Variants in NOC3L observed in about 807,000 individuals in gnomAD.
The protein encoded by NOC3L is nucleolar complex protein 3 homolog.
Under a neutral mutation model 102.5 loss-of-function variants are expected in NOC3L, and 85 were observed. That is an observed-to-expected ratio of 0.83 (90% CI 0.70 to 0.99). NOC3L has a LOEUF of 0.99. Among genes scored for constraint, NOC3L ranks in the 50% least tolerant of loss-of-function variants. The pLI is 0.00. For missense variants in NOC3L, 878 were observed against 914.9 expected, an observed-to-expected ratio of 0.96 and a Z score of 0.52; for synonymous variants, 303 against 309.4, an observed-to-expected ratio of 0.98 and a Z score of 0.22.
At chr10:94,330,708 A>G (rs1193415538), downstream of NOC3L, 2 of 151,950 alleles carry the variant, frequency 1.3e-5, no homozygotes, top group Non-Finnish European at 2.9e-5. Context: ...AAAAAAAAAA[A>G]GTAAAGAGTC....
At chr10:94,359,918 A>C (rs1188021519) in intron 2 of NOC3L, among the ~76,000 whole-genome samples, 1 of 152,190 alleles carries the variant, frequency 6.6e-6, no homozygotes, top group Admixed American at 6.5e-5. Context: ...AAAAAAAAGA[A>C]ATCAGTATAC....
At position 94,355,065 on chromosome 10, in the gene NOC3L, C is replaced by T; in HGVS notation, c.594G>A (p.Leu198=). The change falls in exon 6 of 21, where the codon CTG becomes CTA. Residue 198 remains leucine, a synonymous_variant. Transcript: ENST00000371361. The part of the protein sequence containing the change: ...EEIIEDPIQE[L]TIEEHLIERK... ...TCTCAATCAAATGTTCTTCTATGGT[C>T]AGCTCTTGAATAGGATCTTCAATGA... is the stretch of plus-strand genomic sequence containing the variant. 6.2e-7 allele frequency: 1 copy of T among 1,612,404 alleles called. No homozygotes were observed. Among genetic ancestry groups the T allele is most frequent in the South Asian group, 1.1e-5 (1 of 91,014 alleles).
At position 94,340,273 on chromosome 10, in the gene NOC3L, T is replaced by C. The variant is rs748072157; in HGVS notation, c.1780+3A>G. ...AAAAGAAACATTATCTAAACATACA[T>C]ACCTGCATGTAATTTGAACAGTGTT... On this transcript the variant is annotated splice_donor_region_variant and intron_variant, in intron 16 of 20. Transcript: ENST00000371361. 2 of 1,594,650 alleles carry C rather than the reference T, an allele frequency of 1.3e-6. No individual in the cohort carries two copies. The highest frequency in any genetic ancestry group is 2.0e-4 in the Middle Eastern group (1 of 4,936).
intron 11 of NOC3L, 30 bp from the exon 12 acceptor site, chr10:94,344,963 A>C (rs1420347551): frequency 1.3e-6 from 2 of 1,515,656 alleles, no homozygotes; most frequent in East Asian, 2.3e-5. Flanking sequence ...CAAAAATCTA[A>C]GAGCATATAC....
At chr10:94,333,104 C>T (rs1164497105), downstream of NOC3L, 1 of 152,118 alleles carries the variant, frequency 6.6e-6, no homozygotes, top group Non-Finnish European at 1.5e-5. Flanking sequence ...TCGTTTACTT[C>T]ATGTGAAAAA....
intron 17 of NOC3L, 41 bp from the exon 18 acceptor site, chr10:94,338,777 T>G: frequency 6.4e-7 from 1 of 1,568,210 alleles, no homozygotes; most frequent in Non-Finnish European, 8.8e-7. Flanking sequence ...TAAATTAACA[T>G]TGTTAATATA....
rs760199308 is a variant in NOC3L, at chr10:94,344,833, C to G, written c.1470+20G>C. The G allele has an allele frequency of 6.5e-7, 1 of 1,548,780 alleles. No homozygotes were observed. Among genetic ancestry groups the G allele is most frequent in the Non-Finnish European group, 8.8e-7 (1 of 1,140,532 alleles). ...AACTTAACGCATTTTAAAAGCATAA[C>G]AGAATATGAAACTGCCTACCAGTTT... On this transcript the variant is annotated intron_variant, in intron 12 of 20. Transcript: ENST00000371361.
the NOC3L span, among the ~76,000 whole-genome samples, chr10:94,316,341 T>C: frequency 1.3e-5 from 2 of 152,236 alleles, no homozygotes; most frequent in African/African-American, 4.8e-5. Flanking sequence ...CTGGGGATTA[T>C]GAATAAGTTG....
intron 11 of NOC3L, 56 bp from the exon 12 acceptor site, chr10:94,344,989 G>A: frequency 1.6e-6 from 2 of 1,245,110 alleles, no homozygotes; most frequent in South Asian, 2.7e-5. Context: ...AGTGAAAAAA[G>A]CAGAGGCAGA....
intron 19 of NOC3L, 57 bp downstream of exon 19, chr10:94,337,720 G>A (rs2054237498): frequency 1.7e-6 from 2 of 1,146,106 alleles, no homozygotes; most frequent in Admixed American, 1.8e-5. Flanking sequence ...TCTTCTCATA[G>A]TAAGTGGCTA....
intron 13 of NOC3L, among the ~76,000 whole-genome samples, chr10:94,343,668 C>A (rs1339940136): frequency 6.6e-6 from 1 of 152,100 alleles, no homozygotes; most frequent in Non-Finnish European, 1.5e-5. Context: ...TAAAATGTAG[C>A]TAGTCCAAAT....
At position 94,361,884 on chromosome 10, in the gene NOC3L, CAG is replaced by C. The variant is rs772713207; in HGVS notation, c.10-14_10-13del. The C allele has an allele frequency of 3.6e-5, 56 of 1,575,564 alleles. No individual in the cohort carries two copies. The South Asian group carries it at 6.1e-4, about 17-fold the overall frequency. On this transcript the variant is annotated splice_polypyrimidine_tract_variant and intron_variant, in intron 1 of 20. Coordinates refer to ENST00000371361, the MANE Select transcript of NOC3L (RefSeq NM_022451.11). ...TTTTTATTTCTTCTCTAGAAAATAA[CAG>C]AAAGAATACTGCATACCCAGAAACT...
chr10:94,346,969 G>T (rs1410617923), intron 10 of NOC3L, among the ~76,000 whole-genome samples: 1 of 152,122 alleles, frequency 6.6e-6, no homozygotes, highest in Non-Finnish European at 1.5e-5. Flanking sequence ...CCCAGAATTT[G>T]CATTCTAATT....
chr10:94,356,413 T>C (rs1035074556), intron 5 of NOC3L, 122 bp downstream of exon 5: 1 of 659,874 alleles, frequency 1.5e-6, no homozygotes, highest in Non-Finnish European at 2.7e-6. Flanking sequence ...ATGTTCAAAG[T>C]GACCTTGAAA....
At chr10:94,353,161 G>T in intron 6 of NOC3L, 104 bp from the exon 7 acceptor site, 1 of 895,104 alleles carries the variant, frequency 1.1e-6, no homozygotes, top group Non-Finnish European at 1.7e-6. Flanking sequence ...TTCACACAAT[G>T]ACTCCAAGTC....
Position 94,346,408 on chromosome 10 carries a change from G to A in NOC3L, c.1389+17C>T, listed in dbSNP as rs761434155. On this transcript the variant is annotated intron_variant, in intron 11 of 20. Coordinates refer to ENST00000371361, the MANE Select transcript of NOC3L (RefSeq NM_022451.11). The stretch of plus-strand genomic sequence containing the variant: ...AACAGAAAATTTAAATGAAACAAAA[G>A]GGGAAATAAGTCAAACCTTTCTCTG... 21 of 1,454,320 alleles carry A rather than the reference G, an allele frequency of 1.4e-5. No homozygotes were observed. The highest frequency in any genetic ancestry group is 8.0e-5 in the Admixed American group (3 of 37,358). 90.1% of individuals were successfully genotyped at this position (1,454,320 alleles called of 1,614,324 possible).
At chr10:94,326,706 G>GTGAT in the NOC3L span, among the ~76,000 whole-genome samples, 3 of 152,192 alleles carry the variant, frequency 2.0e-5, no homozygotes, top group African/African-American at 2.4e-5. Flanking sequence ...CTGGGGGAGG[G>GTGAT]TGATTGATAG....
chr10:94,353,073 C>T lies in NOC3L; in HGVS notation c.697-16G>A, dbSNP rs1296833429. On this transcript the variant is annotated splice_polypyrimidine_tract_variant and intron_variant, in intron 6 of 20. Coordinates refer to ENST00000371361, the MANE Select transcript of NOC3L (RefSeq NM_022451.11). ...ATTTTTTAATCTGTTAAAGAAATAG[C>T]TTATAAAGCTGGAGAAATCATGACG... is the stretch of plus-strand genomic sequence containing the variant. 1 of 1,579,184 alleles carries T rather than the reference C, an allele frequency of 6.3e-7. No individual in the cohort carries two copies. Among genetic ancestry groups the T allele is most frequent in the Non-Finnish European group, 8.6e-7 (1 of 1,163,268 alleles).
At chr10:94,348,711 G>A (rs1264655068) in intron 10 of NOC3L, among the ~76,000 whole-genome samples, 1 of 152,130 alleles carries the variant, frequency 6.6e-6, no homozygotes, top group Non-Finnish European at 1.5e-5. Flanking sequence ...CAGGAACACA[G>A]TGATTAAATG....
Sources: gnomAD v4.1 joint callset for allele counts (sites outside exome capture counted in the v4.1 genomes callset) on GRCh38, gnomAD v4.1.1 for gene constraint, MANE v1.5 for transcripts, NCBI Gene and HGNC (gene_info 2026-07-23, HGNC 2026-07-21) for gene names.